Variants in ZNF385B observed in about 807,000 individuals in gnomAD.
ZNF385B encodes the protein zinc finger protein 533.
In ZNF385B, 23 loss-of-function variants were observed where a neutral mutation model predicts 39.2. That is an observed-to-expected ratio of 0.59 (90% confidence interval 0.42 to 0.83). The LOEUF is 0.83. ZNF385B is among the 40% of genes least tolerant of loss of function. The probability of loss-of-function intolerance (pLI) is 0.00; values close to 1 mark genes in which losing one functional copy is unlikely to be tolerated. For synonymous variants in ZNF385B, 205 were observed against 222.6 expected (o/e 0.92, Z 0.70); for missense variants, 552 against 598.9 (o/e 0.92, Z 0.82).
intron 3 of ZNF385B, among the ~76,000 whole-genome samples, chr2:179,624,461 C>T (rs1690486492): frequency 1.3e-5 from 2 of 152,202 alleles, no homozygotes; most frequent in South Asian, 4.1e-4. Flanking sequence ...GGTCTTCTGT[C>T]TTTCTAGTTT....
intron 6 of ZNF385B, among the ~76,000 whole-genome samples, chr2:179,455,725 C>A (rs1403584811): frequency 7.4e-6 from 1 of 134,994 alleles, no homozygotes; most frequent in African/African-American, 2.9e-5. Flanking sequence ...CCGTCTCTAC[C>A]AAAAATACAA....
intron 3 of ZNF385B, among the ~76,000 whole-genome samples, chr2:179,765,997 T>A (rs357686): frequency 0.99 from 149,977 of 151,286 alleles, 74,351 homozygotes; most frequent in Middle Eastern, 1. Context: ...GCTGCTACTT[T>A]TCACAAGTCC....
intron 3 of ZNF385B, among the ~76,000 whole-genome samples, chr2:179,552,194 C>A (rs915045443): frequency 6.0e-5 from 9 of 149,078 alleles, no homozygotes; most frequent in Admixed American, 6.0e-4. Flanking sequence ...TAGTCTTTGG[C>A]CTTTAGATAT....
intron 1 of ZNF385B, among the ~76,000 whole-genome samples, chr2:179,786,292 C>T (rs1704995871): frequency 6.6e-6 from 1 of 152,038 alleles, no homozygotes; most frequent in Non-Finnish European, 1.5e-5. Context: ...TGGAATCCAA[C>T]CCATGATATA....
intron 1 of ZNF385B, among the ~76,000 whole-genome samples, chr2:179,842,939 G>A (rs1031179344): frequency 6.6e-6 from 1 of 152,202 alleles, no homozygotes; most frequent in Non-Finnish European, 1.5e-5. Flanking sequence ...GAGGGAGCCT[G>A]CCTCAGGTGC....
At chr2:179,633,223 T>C (rs1342832367) in intron 3 of ZNF385B, among the ~76,000 whole-genome samples, 4 of 152,292 alleles carry the variant, frequency 2.6e-5, no homozygotes, top group African/African-American at 7.2e-5. Context: ...ATCATCCTGA[T>C]ACCAAAGTCT....
At chr2:179,814,312 G>C in intron 1 of ZNF385B, 1 of 264,530 alleles carries the variant, frequency 3.8e-6, no homozygotes, top group South Asian at 3.6e-5. Flanking sequence ...ATCCTCCCAG[G>C]AGAGGACTGC....
rs969104766 is a variant in ZNF385B at position 179,729,147 on chromosome 2, A to C, written c.298+40356T>G. Reference sequence around the variant, plus strand: ...TATTCTCAAAAAAAAAAAAAAAAAAACCAAGGAAATTAACTTTCTTTTTAG... The same window carrying C: ...TATTCTCAAAAAAAAAAAAAAAAAACCCAAGGAAATTAACTTTCTTTTTAG... On this transcript the variant is annotated intron_variant, in intron 3 of 9. Transcript: ENST00000410066. Among the ~76,000 whole-genome samples, 9 of 146,412 alleles carry C rather than the reference A, an allele frequency of 6.1e-5. No individual in the cohort carries two copies. The South Asian group carries it at 8.7e-4, about 14-fold the overall frequency.
intron 1 of ZNF385B, among the ~76,000 whole-genome samples, chr2:179,831,658 C>T (rs930480480): frequency 2.0e-5 from 3 of 152,184 alleles, no homozygotes; most frequent in South Asian, 2.1e-4. Flanking sequence ...CCAGTGCTCT[C>T]ATGGGCCCAT....
intron 4 of ZNF385B, among the ~76,000 whole-genome samples, chr2:179,540,144 T>C (rs542401544): frequency 6.6e-6 from 1 of 152,182 alleles, no homozygotes; most frequent in South Asian, 2.1e-4. Flanking sequence ...TGCCTTTAGA[T>C]TAAAAAACAG....
chr2:179,474,303 G>A (rs576450437), intron 6 of ZNF385B, among the ~76,000 whole-genome samples: 11 of 152,214 alleles, frequency 7.2e-5, no homozygotes, highest in African/African-American at 2.2e-4. Flanking sequence ...TGGACAGCCC[G>A]AGTGAGACTC....
chr2:179,760,207 C>T (rs764482807), intron 3 of ZNF385B, among the ~76,000 whole-genome samples: 1 of 142,632 alleles, frequency 7.0e-6, no homozygotes, highest in Non-Finnish European at 1.5e-5. Flanking sequence ...TCCAGTATTA[C>T]CTGGATTCCT....
chr2:179,603,036 C>T (rs989137407), intron 3 of ZNF385B, among the ~76,000 whole-genome samples: 1 of 152,146 alleles, frequency 6.6e-6, no homozygotes, highest in Non-Finnish European at 1.5e-5. Context: ...CAATGTGATT[C>T]TTACTATTTA....
chr2:179,859,600 T>A (rs1020088891), intron 1 of ZNF385B, among the ~76,000 whole-genome samples: 8 of 152,202 alleles, frequency 5.3e-5, no homozygotes, highest in Non-Finnish European at 1.0e-4. Flanking sequence ...CAAGAATAGC[T>A]ATCTGATTTG....
chr2:179,696,345 T>TTTTTTTTA, intron 3 of ZNF385B, among the ~76,000 whole-genome samples: 1 of 140,314 alleles, frequency 7.1e-6, no homozygotes, highest in Admixed American at 7.3e-5. Flanking sequence ...TTTTTTTTTT[T>TTTTTTTTA]TTTTGCATCC....
chr2:179,510,689 AT>A (rs2057611879), intron 5 of ZNF385B, among the ~76,000 whole-genome samples: 1 of 152,150 alleles, frequency 6.6e-6, no homozygotes, highest in South Asian at 2.1e-4. Context: ...TCATAAATAA[AT>A]TACAAATGTC....
chr2:179,771,821 A>C (rs769687557), intron 1 of ZNF385B, among the ~76,000 whole-genome samples: 4 of 152,218 alleles, frequency 2.6e-5, no homozygotes, highest in Non-Finnish European at 4.4e-5. Context: ...CATTACTAAC[A>C]TTTTGCACTA....
intron 1 of ZNF385B, among the ~76,000 whole-genome samples, chr2:179,841,284 G>A (rs1300606665): frequency 1.3e-5 from 2 of 152,168 alleles, no homozygotes; most frequent in Admixed American, 6.5e-5. Context: ...AAGAAAGGGG[G>A]AAAATGGTTG....
chr2:179,668,360 T>C (rs1695453357), intron 3 of ZNF385B, among the ~76,000 whole-genome samples: 1 of 152,262 alleles, frequency 6.6e-6, no homozygotes, highest in Admixed American at 6.5e-5. Flanking sequence ...TACAGTAGTC[T>C]GTCCTTTTGA....
Sources: gnomAD v4.1 joint callset for allele counts (sites outside exome capture counted in the v4.1 genomes callset) on GRCh38, gnomAD v4.1.1 for gene constraint, MANE v1.5 for transcripts, NCBI Gene and HGNC (gene_info 2026-07-23, HGNC 2026-07-21) for gene names.